Variants in LBR observed in about 807,000 individuals in gnomAD.
The protein encoded by LBR is delta(14)-sterol reductase LBR.
Under a neutral mutation model 74.3 loss-of-function variants are expected in LBR, and 28 were observed. The ratio of observed to expected loss-of-function variants is 0.38; its 90% confidence interval spans 0.28 to 0.52. The LOEUF is 0.52. LBR is among the 20% of genes least tolerant of loss of function. LBR has a pLI of 0.89. For missense variants in LBR, 717 were observed against 760.3 expected (o/e 0.94, Z 0.67); for synonymous variants, 228 against 269.3 (o/e 0.85, Z 1.50).
chr1:225,415,723 T>C lies in LBR; in HGVS notation c.838-391A>G, dbSNP rs528061427. On this transcript the variant is annotated intron_variant, in intron 6 of 13. Coordinates refer to ENST00000272163, the MANE Select transcript of LBR (RefSeq NM_002296.4). ...ACCATACTCTTACAAAGTAACAGTA[T>C]GATTCCATTGTCTTCCATTTGTGGG... is the stretch of plus-strand genomic sequence containing the variant. Among the ~76,000 whole-genome samples the C allele has an allele frequency of 6.6e-5, 10 of 152,296 alleles. No individual in the cohort carries two copies. The South Asian group carries it at 2.1e-3, about 32-fold the overall frequency.
chr1:225,410,202 CTT>C, intron 10 of LBR, 87 bp downstream of exon 10: 1 of 1,595,748 alleles, frequency 6.3e-7, no homozygotes, highest in Non-Finnish European at 8.5e-7. Context: ...GCTCCCCTCA[CTT>C]TGTGTGCAAG....
chr1:225,428,231 C>T (rs898365667), upstream of LBR, among the ~76,000 whole-genome samples: 1 of 152,042 alleles, frequency 6.6e-6, no homozygotes, highest in African/African-American at 2.4e-5. Flanking sequence ...GCGCGTCCGC[C>T]CCGCCCCACC....
chr1:225,416,901 T>C (rs766179673), intron 6 of LBR, among the ~76,000 whole-genome samples: 2 of 152,196 alleles, frequency 1.3e-5, no homozygotes, highest in Non-Finnish European at 2.9e-5. Context: ...TACTATTTCT[T>C]ATCAGGGCCT....
chr1:225,419,602 T>C (rs2096123915), intron 4 of LBR, 113 bp downstream of exon 4: 3 of 1,037,562 alleles, frequency 2.9e-6, no homozygotes, highest in East Asian at 2.4e-5. Context: ...GACAGAATTT[T>C]AGAACAGGTT....
At chr1:225,427,295 G>T (rs1403022944) in intron 1 of LBR, 3 of 152,264 alleles carry the variant, frequency 2.0e-5, no homozygotes, top group Non-Finnish European at 4.4e-5. Context: ...AAGCAGGACC[G>T]TGCTTTAGCA....
At chr1:225,405,755 C>T (rs2096090198) in intron 11 of LBR, among the ~76,000 whole-genome samples, 1 of 152,302 alleles carries the variant, frequency 6.6e-6, no homozygotes, top group African/African-American at 2.4e-5. Context: ...AAGACATTCC[C>T]CATTTTTAGC....
chr1:225,415,587 TG>T (rs1403996327), intron 6 of LBR, among the ~76,000 whole-genome samples: 1 of 152,160 alleles, frequency 6.6e-6, no homozygotes, highest in Non-Finnish European at 1.5e-5. Flanking sequence ...ACCAAGCAAC[TG>T]CAACAGCCAC....
intron 5 of LBR, among the ~76,000 whole-genome samples, chr1:225,418,953 T>C (rs2096122570): frequency 1.3e-5 from 2 of 152,254 alleles, no homozygotes; most frequent in African/African-American, 4.8e-5. Flanking sequence ...ATCTATGCTA[T>C]ACAAACTCCC....
At chr1:225,417,537 A>G (rs1259946943) in intron 6 of LBR, 1 of 154,984 alleles carries the variant, frequency 6.5e-6, no homozygotes, top group East Asian at 1.9e-4. Flanking sequence ...GATGTAGACT[A>G]AAGTCCATCG....
At chr1:225,418,488 G>A (rs941986260) in intron 5 of LBR, among the ~76,000 whole-genome samples, 1 of 151,750 alleles carries the variant, frequency 6.6e-6, no homozygotes, top group African/African-American at 2.4e-5. Context: ...ACTAAGGAGC[G>A]AATGTGTTGA....
intron 6 of LBR, among the ~76,000 whole-genome samples, chr1:225,417,107 G>A (rs2096118705): frequency 6.6e-6 from 1 of 152,046 alleles, no homozygotes; most frequent in South Asian, 2.1e-4. Context: ...TACCCTAAAT[G>A]AATCTGAATT....
chr1:225,405,840 T>A (rs1184168229), intron 11 of LBR, among the ~76,000 whole-genome samples: 1 of 152,256 alleles, frequency 6.6e-6, no homozygotes, highest in Non-Finnish European at 1.5e-5. Context: ...AAACTAAATC[T>A]TAATTTTAAC....
intron 3 of LBR, among the ~76,000 whole-genome samples, chr1:225,421,471 T>C (rs1371171914): frequency 6.6e-6 from 1 of 152,244 alleles, no homozygotes; most frequent in Non-Finnish European, 1.5e-5. Context: ...CCAGCCTGGG[T>C]GACAGAGCAA....
chr1:225,410,481 G>T, intron 9 of LBR, 65 bp from the exon 10 acceptor site: 1 of 1,551,144 alleles, frequency 6.4e-7, no homozygotes, highest in Non-Finnish European at 8.9e-7. Context: ...CACTACAAAG[G>T]CATGAGTGAG....
intron 10 of LBR, 23 bp downstream of exon 10, chr1:225,410,268 C>A (rs1339546709): frequency 3.1e-6 from 5 of 1,613,544 alleles, no homozygotes; most frequent in Non-Finnish European, 4.2e-6. Flanking sequence ...GACTCCAAGG[C>A]CTCGGCTCTT....
intron 10 of LBR, among the ~76,000 whole-genome samples, chr1:225,409,502 C>T (rs550018325): frequency 1.3e-5 from 2 of 152,274 alleles, no homozygotes; most frequent in African/African-American, 2.4e-5. Flanking sequence ...AAAAGGTCTT[C>T]TCTCAAAATG....
Position 225,412,621 on chromosome 1 carries a change from G to A in LBR, c.917C>T (p.Ser306Phe). Residue 306 changes from serine (S) to phenylalanine (F), a missense_variant, in exon 8 of 14, where the codon TCT becomes TTT. Physicochemically the swap from Ser to Phe is radical, Grantham distance 155. Coordinates refer to ENST00000272163, the MANE Select transcript of LBR (RefSeq NM_002296.4). ...GAAGAGAGATGTTCCGATGACTGCAGATGTCAGGATAAAAGCATAGAATCC... is the reference window on the plus strand; with the variant it reads ...GAAGAGAGATGTTCCGATGACTGCAAATGTCAGGATAAAAGCATAGAATCC... ...LNGFYAFILT[S>F]AVIGTSLFQG... is the part of the protein sequence containing the mutation. 6.3e-7 allele frequency: 1 copy of A among 1,586,206 alleles called. No homozygotes were observed. The highest frequency in any genetic ancestry group is 1.7e-5 in the Admixed American group (1 of 59,124).
chr1:225,412,720 A>G, intron 7 of LBR, 75 bp from the exon 8 acceptor site: 1 of 1,269,928 alleles, frequency 7.9e-7, no homozygotes, highest in Middle Eastern at 2.4e-4. Context: ...CGCCACTATG[A>G]AACAATGCAA....
In LBR at chr1:225,418,184, C is replaced by A; in HGVS notation, c.641-4G>T. 6.2e-7 allele frequency: 1 copy of A among 1,612,408 alleles called. No individual in the cohort carries two copies. The highest frequency in any genetic ancestry group is 2.2e-5 in the East Asian group (1 of 44,794). Reference sequence around the variant, plus strand: ...CCAAACATGATGAGAAACACACCTGCAAACAATTCATGAACATTCGAGGCT... The same window carrying A: ...CCAAACATGATGAGAAACACACCTGAAAACAATTCATGAACATTCGAGGCT... On this transcript the variant is annotated splice_region_variant and splice_polypyrimidine_tract_variant and intron_variant, in intron 5 of 13. Transcript: ENST00000272163.
Sources: gnomAD v4.1 joint callset for allele counts (sites outside exome capture counted in the v4.1 genomes callset) on GRCh38, gnomAD v4.1.1 for gene constraint, MANE v1.5 for transcripts, NCBI Gene and HGNC (gene_info 2026-07-23, HGNC 2026-07-21) for gene names.